Variants in SIPA1L1 observed in about 807,000 individuals in gnomAD.
SIPA1L1 encodes the protein signal-induced proliferation-associated 1-like protein 1.
Under a neutral mutation model 162.7 loss-of-function variants are expected in SIPA1L1, and 26 were observed. That is an observed-to-expected ratio of 0.16 (90% CI 0.12 to 0.22). SIPA1L1 has a LOEUF of 0.22. Ranked by LOEUF, SIPA1L1 falls within the 10% of genes least tolerant of loss-of-function variation. SIPA1L1 has a pLI of 1.00. For synonymous variants in SIPA1L1, 829 were observed against 837.4 expected (o/e 0.99, Z 0.17); for missense variants, 1,874 against 2,241.0 (o/e 0.84, Z 3.31).
intron 2 of SIPA1L1, among the ~76,000 whole-genome samples, chr14:71,495,636 T>G (rs955204070): frequency 6.6e-6 from 1 of 151,642 alleles, no homozygotes; most frequent in Non-Finnish European, 1.5e-5. Context: ...TTCATTGGGT[T>G]TTGCTCTAAA....
intron 4 of SIPA1L1, among the ~76,000 whole-genome samples, chr14:71,552,672 G>T (rs2055971356): frequency 6.6e-6 from 1 of 151,964 alleles, no homozygotes; most frequent in African/African-American, 2.4e-5. Flanking sequence ...CTGGGATCCT[G>T]TTTCTTTTAA....
rs368958165 is a variant in SIPA1L1, at chr14:71,529,617, C to G, written c.-303+247C>G. The stretch of plus-strand genomic sequence containing the variant: ...CTCAGGCTATTGCCTGTAAATAGTA[C>G]TGACTGAACATTAGGGTTGGATCCA... On this transcript the variant is annotated intron_variant, in intron 4 of 23. Coordinates refer to ENST00000381232, the MANE Select transcript of SIPA1L1 (RefSeq NM_001386936.1). 2.6e-5 allele frequency among the ~76,000 whole-genome samples: 4 copies of G among 152,146 alleles called. No homozygotes were observed. The East Asian group carries it at 7.7e-4, about 29-fold the overall frequency.
chr14:71,586,273 A>G (rs1233781451), intron 4 of SIPA1L1: 4 of 151,536 alleles, frequency 2.6e-5, no homozygotes, highest in African/African-American at 7.3e-5. Flanking sequence ...CAGCCTTTAA[A>G]TAGCAGCGAG....
At chr14:71,599,567 G>C (rs1324591856) in intron 5 of SIPA1L1, among the ~76,000 whole-genome samples, 1 of 145,014 alleles carries the variant, frequency 6.9e-6, no homozygotes, top group Non-Finnish European at 1.5e-5. Flanking sequence ...CCATATCTTT[G>C]CTATTGCAAA....
At chr14:71,453,960 C>G (rs921418093) in intron 2 of SIPA1L1, among the ~76,000 whole-genome samples, 1 of 138,336 alleles carries the variant, frequency 7.2e-6, no homozygotes, top group East Asian at 2.2e-4. Context: ...TGCGACTGCA[C>G]TCCCCTCCAG....
At chr14:71,532,428 T>G (rs557498461) in intron 4 of SIPA1L1, among the ~76,000 whole-genome samples, 1 of 152,218 alleles carries the variant, frequency 6.6e-6, no homozygotes. Context: ...TGGAAAGTGG[T>G]ACAAAAACTT....
intron 10 of SIPA1L1, among the ~76,000 whole-genome samples, chr14:71,667,613 C>A (rs2044142494): frequency 6.6e-6 from 1 of 152,188 alleles, no homozygotes; most frequent in Non-Finnish European, 1.5e-5. Context: ...GATTCAGGCT[C>A]CAAGAAGAGG....
intron 4 of SIPA1L1, among the ~76,000 whole-genome samples, chr14:71,581,346 T>C (rs899504036): frequency 3.3e-5 from 5 of 152,234 alleles, no homozygotes; most frequent in African/African-American, 4.8e-5. Context: ...TTGGAGGCTT[T>C]AATAGAGCAA....
intron 4 of SIPA1L1, among the ~76,000 whole-genome samples, chr14:71,583,131 T>A (rs552982126): frequency 1.4e-3 from 209 of 152,350 alleles, no homozygotes; most frequent in Non-Finnish European, 2.5e-3. Flanking sequence ...AAGTCTGTGT[T>A]TACAAGTTCA....
intron 2 of SIPA1L1, among the ~76,000 whole-genome samples, chr14:71,437,779 G>T (rs2044511951): frequency 6.6e-6 from 1 of 152,022 alleles, no homozygotes; most frequent in South Asian, 2.1e-4. Context: ...TCATATTTTA[G>T]GGCCTTTATT....
At chr14:71,531,958 T>C (rs1029500300) in intron 4 of SIPA1L1, among the ~76,000 whole-genome samples, 19 of 152,194 alleles carry the variant, frequency 1.2e-4, no homozygotes, top group African/African-American at 4.1e-4. Context: ...TCCTTTCAAC[T>C]TGAGAACCTA....
intron 2 of SIPA1L1, among the ~76,000 whole-genome samples, chr14:71,341,602 C>T (rs959791564): frequency 3.3e-5 from 5 of 152,092 alleles, no homozygotes; most frequent in Non-Finnish European, 7.4e-5. Flanking sequence ...TCTCGTTATG[C>T]AGGTACTGAG....
At chr14:71,644,463 C>T (rs150397711) in intron 7 of SIPA1L1, among the ~76,000 whole-genome samples, 209 of 151,580 alleles carry the variant, frequency 1.4e-3, no homozygotes, top group Non-Finnish European at 2.5e-3. Context: ...TCTTGAACTC[C>T]TGGCCTCAAG....
Position 71,484,451 on chromosome 14 carries a change from G to A in SIPA1L1, c.-464-28292G>A, listed in dbSNP as rs367891486. On this transcript the variant is annotated intron_variant, in intron 2 of 23. Transcript: ENST00000381232. ...CATTATGTGTCAAACATTTTGCTAG[G>A]TTCTTTATATATATTAGCACTAATT... Among the ~76,000 whole-genome samples, 40 of 151,896 alleles carry A rather than the reference G, an allele frequency of 2.6e-4. No individual in the cohort carries two copies. In the South Asian group the frequency reaches 8.1e-3, roughly 31 times the overall value.
At chr14:71,495,433 TA>T (rs1283663293) in intron 2 of SIPA1L1, among the ~76,000 whole-genome samples, 1 of 151,150 alleles carries the variant, frequency 6.6e-6, no homozygotes, top group Non-Finnish European at 1.5e-5. Flanking sequence ...TTTATATATT[TA>T]AAATATATTT....
chr14:71,692,536 T>C (rs1203499002), intron 13 of SIPA1L1, among the ~76,000 whole-genome samples: 3 of 152,192 alleles, frequency 2.0e-5, no homozygotes, highest in Non-Finnish European at 4.4e-5. Flanking sequence ...CTGGCATCCA[T>C]GTCAGGATTA....
chr14:71,566,895 G>A (rs2030726319), intron 4 of SIPA1L1, among the ~76,000 whole-genome samples: 1 of 152,068 alleles, frequency 6.6e-6, no homozygotes, highest in Non-Finnish European at 1.5e-5. Flanking sequence ...TACAGACTCT[G>A]CGAATAAAGT....
chr14:71,645,432 C>T (rs1266563665), intron 7 of SIPA1L1, among the ~76,000 whole-genome samples: 1 of 152,170 alleles, frequency 6.6e-6, no homozygotes, highest in East Asian at 1.9e-4. Flanking sequence ...GAAAAAGACA[C>T]AAAGTTCATC....
At chr14:71,420,406 TC>T (rs1219962341) in intron 2 of SIPA1L1, among the ~76,000 whole-genome samples, 1 of 152,212 alleles carries the variant, frequency 6.6e-6, no homozygotes, top group African/African-American at 2.4e-5. Flanking sequence ...TGTCTGCCTA[TC>T]TACCCATCTA....
Sources: gnomAD v4.1 joint callset for allele counts (sites outside exome capture counted in the v4.1 genomes callset) on GRCh38, gnomAD v4.1.1 for gene constraint, MANE v1.5 for transcripts, NCBI Gene and HGNC (gene_info 2026-07-23, HGNC 2026-07-21) for gene names.